Variants in MACROD2 observed in about 807,000 individuals in gnomAD.
The protein encoded by MACROD2 is mono-ADP ribosylhydrolase 2.
A neutral mutation model predicts 70.4 loss-of-function variants in MACROD2; 36 were observed. The ratio of observed to expected loss-of-function variants is 0.51; its 90% CI spans 0.39 to 0.68. MACROD2 has a LOEUF of 0.68. Among genes scored for constraint, MACROD2 ranks in the 30% least tolerant of loss-of-function variants. The probability of loss-of-function intolerance (pLI) is 0.00; values close to 1 mark genes in which losing one functional copy is unlikely to be tolerated. For synonymous variants in MACROD2, 172 were observed against 178.8 expected, an observed-to-expected ratio of 0.96 and a Z score of 0.30; for missense variants, 496 against 538.4, an observed-to-expected ratio of 0.92 and a Z score of 0.78.
At chr20:15,547,336 A>T (rs748252969) in intron 8 of MACROD2, among the ~76,000 whole-genome samples, 1 of 152,260 alleles carries the variant, frequency 6.6e-6, no homozygotes, top group Non-Finnish European at 1.5e-5. Context: ...ATGCTACCCC[A>T]GCTTTTGGCG....
chr20:15,356,435 G>T (rs907808637), intron 6 of MACROD2, among the ~76,000 whole-genome samples: 1 of 152,082 alleles, frequency 6.6e-6, no homozygotes, highest in Non-Finnish European at 1.5e-5. Flanking sequence ...TATATCAAGG[G>T]TCTATAGAAC....
At chr20:14,496,884 A>G (rs947730528) in intron 4 of MACROD2, among the ~76,000 whole-genome samples, 1 of 151,706 alleles carries the variant, frequency 6.6e-6, no homozygotes, top group African/African-American at 2.4e-5. Flanking sequence ...CAAACTTTCC[A>G]TTATTATTAC....
At chr20:15,338,716 G>C (rs548237434) in intron 6 of MACROD2, among the ~76,000 whole-genome samples, 1 of 151,792 alleles carries the variant, frequency 6.6e-6, no homozygotes, top group African/African-American at 2.4e-5. Flanking sequence ...ACGTCTTTTA[G>C]TACAAGATGG....
At chr20:15,844,272 A>C (rs2064205285) in intron 8 of MACROD2, among the ~76,000 whole-genome samples, 1 of 152,082 alleles carries the variant, frequency 6.6e-6, no homozygotes, top group Admixed American at 6.6e-5. Flanking sequence ...ATGGTAATAT[A>C]ATTATGAACT....
At chr20:14,051,191 A>G (rs1246704636) in intron 2 of MACROD2, among the ~76,000 whole-genome samples, 1 of 152,206 alleles carries the variant, frequency 6.6e-6, no homozygotes, top group South Asian at 2.1e-4. Flanking sequence ...TTTTGAGGAA[A>G]GGATGGAGGA....
intron 6 of MACROD2, among the ~76,000 whole-genome samples, chr20:15,263,448 T>G (rs1447575929): frequency 2.0e-5 from 3 of 152,120 alleles, no homozygotes; most frequent in Non-Finnish European, 4.4e-5. Flanking sequence ...TAGCATAATT[T>G]GAAGTCAAGT....
chr20:14,981,596 G>A (rs1329324344), intron 5 of MACROD2, among the ~76,000 whole-genome samples: 1 of 151,976 alleles, frequency 6.6e-6, no homozygotes, highest in Non-Finnish European at 1.5e-5. Context: ...GATCTTTCCT[G>A]TGTTGTTCTT....
At chr20:14,534,717 T>C (rs1442564486) in intron 4 of MACROD2, among the ~76,000 whole-genome samples, 1 of 151,708 alleles carries the variant, frequency 6.6e-6, no homozygotes, top group African/African-American at 2.4e-5. Flanking sequence ...TGATGGGGAG[T>C]AGGGGAAGGA....
chr20:16,023,551 G>A (rs1410068864), intron 15 of MACROD2, among the ~76,000 whole-genome samples: 1 of 151,756 alleles, frequency 6.6e-6, no homozygotes, highest in Non-Finnish European at 1.5e-5. Context: ...CAAATCTTGA[G>A]GGCAGGTGGG....
intron 6 of MACROD2, among the ~76,000 whole-genome samples, chr20:15,318,229 A>G (rs971302635): frequency 1.3e-5 from 2 of 152,182 alleles, no homozygotes; most frequent in African/African-American, 2.4e-5. Context: ...ATTACAAAAC[A>G]TGGATGAAAT....
At chr20:15,884,621 A>C (rs2064799314) in intron 9 of MACROD2, among the ~76,000 whole-genome samples, 1 of 152,058 alleles carries the variant, frequency 6.6e-6, no homozygotes, top group Non-Finnish European at 1.5e-5. Flanking sequence ...AGCAGTTAGG[A>C]AACTGCTAAA....
chr20:14,968,143 A>G (rs2074655635), intron 5 of MACROD2, among the ~76,000 whole-genome samples: 1 of 152,200 alleles, frequency 6.6e-6, no homozygotes, highest in Non-Finnish European at 1.5e-5. Flanking sequence ...TGGTAGGTCA[A>G]AAAACATATT....
At chr20:15,059,006 T>C (rs750611829) in intron 5 of MACROD2, among the ~76,000 whole-genome samples, 5 of 152,168 alleles carry the variant, frequency 3.3e-5, no homozygotes, top group Non-Finnish European at 7.4e-5. Flanking sequence ...ATGGTTTTAT[T>C]ATGTAAAATT....
chr20:15,031,229 C>T (rs1375949799), intron 5 of MACROD2, among the ~76,000 whole-genome samples: 2 of 152,194 alleles, frequency 1.3e-5, no homozygotes, highest in African/African-American at 4.8e-5. Flanking sequence ...TCAGGAACCT[C>T]AGAGACCCAA....
intron 8 of MACROD2, among the ~76,000 whole-genome samples, chr20:15,543,257 C>G (rs1600564156): frequency 6.6e-6 from 1 of 152,268 alleles, no homozygotes; most frequent in African/African-American, 2.4e-5. Context: ...TGTTACTTAA[C>G]TTTTCTAAGT....
chr20:14,746,309 G>A (rs6079550), intron 5 of MACROD2, among the ~76,000 whole-genome samples: 1 of 152,142 alleles, frequency 6.6e-6, no homozygotes, highest in African/African-American at 2.4e-5. Context: ...TTCTCCTTCA[G>A]AGGAGCTGAC....
intron 15 of MACROD2, among the ~76,000 whole-genome samples, chr20:16,018,541 T>C (rs1306527857): frequency 6.6e-6 from 1 of 152,112 alleles, no homozygotes; most frequent in Non-Finnish European, 1.5e-5. Context: ...AAAGGGGAAA[T>C]CTCCTAACCT....
intron 7 of MACROD2, among the ~76,000 whole-genome samples, chr20:15,463,067 A>G (rs1330499622): frequency 6.6e-6 from 1 of 152,238 alleles, no homozygotes; most frequent in Admixed American, 6.5e-5. Context: ...TATTCATGAT[A>G]AAAGCTAGTC....
chr20:14,498,892 T>C (rs1377915587), intron 4 of MACROD2, among the ~76,000 whole-genome samples: 1 of 152,220 alleles, frequency 6.6e-6, no homozygotes, highest in Non-Finnish European at 1.5e-5. Flanking sequence ...AGTGATTCTG[T>C]TTCGCTCTTG....
Sources: allele counts gnomAD v4.1 joint callset (sites outside exome capture counted in the v4.1 genomes callset), GRCh38; gene constraint gnomAD v4.1.1; transcripts MANE v1.5; gene names NCBI Gene and HGNC (gene_info 2026-07-23, HGNC 2026-07-21).